Variants in IFRD1 observed in about 807,000 individuals in gnomAD.
IFRD1 encodes the protein interferon related developmental regulator 1, also known as interferon-related developmental regulator 1.
In IFRD1, 35 loss-of-function variants were observed where a neutral mutation model predicts 52.9. The observed-to-expected ratio is 0.66, with a 90% CI of 0.51 to 0.88. The LOEUF is 0.88. Ranked by LOEUF, IFRD1 falls within the 40% of genes least tolerant of loss-of-function variation. The pLI is 0.00. For synonymous variants in IFRD1, 184 were observed against 188.4 expected (o/e 0.98, Z 0.19); for missense variants, 517 against 550.8 (o/e 0.94, Z 0.61).
chr7:112,445,761 C>T (rs1178966865), upstream of IFRD1, among the ~76,000 whole-genome samples: 1 of 152,178 alleles, frequency 6.6e-6, no homozygotes, highest in African/African-American at 2.4e-5. Context: ...ACTTGGTGTT[C>T]TGTTTCTAAT....
At chr7:112,440,095 C>T (rs1408588209) in intron 1 of IFRD1, among the ~76,000 whole-genome samples, 1 of 151,986 alleles carries the variant, frequency 6.6e-6, no homozygotes, top group African/African-American at 2.4e-5. Flanking sequence ...AAGAAATTCT[C>T]CTGCCTCAGC....
chr7:112,457,073 C>T (rs1231806957), intron 4 of IFRD1, 35 bp downstream of exon 4: 1 of 1,604,238 alleles, frequency 6.2e-7, no homozygotes, highest in South Asian at 1.1e-5. Flanking sequence ...AGACGTACAA[C>T]TAATAAGGAG....
At chr7:112,473,435 T>C (rs909359716) in intron 11 of IFRD1, among the ~76,000 whole-genome samples, 5 of 152,008 alleles carry the variant, frequency 3.3e-5, no homozygotes, top group Admixed American at 2.6e-4. Context: ...ATTTCTTTTT[T>C]TTTTTTTGAG....
At chr7:112,467,382 C>T (rs1795637509) in intron 8 of IFRD1, 1 of 152,632 alleles carries the variant, frequency 6.6e-6, no homozygotes, top group Non-Finnish European at 1.5e-5. Context: ...AAATGCATAG[C>T]CACGTTAACT....
At chr7:112,456,840 A>G in intron 3 of IFRD1, 74 bp from the exon 4 acceptor site, 8 of 1,409,592 alleles carry the variant, frequency 5.7e-6, no homozygotes, top group South Asian at 1.2e-5. Flanking sequence ...GTTTAGAAGG[A>G]AATAAGATTT....
Position 112,462,032 on chromosome 7 carries a change from A to G in IFRD1, c.650A>G (p.Asn217Ser). 6.2e-7 allele frequency: 1 copy of G among 1,613,202 alleles called. No individual in the cohort carries two copies. The highest frequency in any genetic ancestry group is 8.5e-7 in the Non-Finnish European group (1 of 1,179,418). The change falls in exon 7 of 12, where the codon AAT (asparagine) becomes AGT (serine). Residue 217 changes from asparagine (N) to serine (S), a missense_variant. By Grantham distance (46) the Asn-to-Ser change is conservative. Transcript: ENST00000403825. Reference sequence around the variant, plus strand: ...TACTCAACTCTGGAATGTTTGGAAAATATCTTCACTAAATCCTATCTCAAA... The same window carrying G: ...TACTCAACTCTGGAATGTTTGGAAAGTATCTTCACTAAATCCTATCTCAAA... ...ELYSTLECLENIFTKSYLKEK... is the reference protein window; with the variant it reads ...ELYSTLECLESIFTKSYLKEK...
intron 1 of IFRD1, among the ~76,000 whole-genome samples, chr7:112,427,001 C>G (rs1489111713): frequency 6.6e-6 from 1 of 152,118 alleles, no homozygotes; most frequent in South Asian, 2.1e-4. Flanking sequence ...TGTATAAAAC[C>G]AAGCTGTACC....
At position 112,459,037 on chromosome 7, in the gene IFRD1, C is replaced by T. The variant is rs774646174; in HGVS notation, c.567+19C>T. 1.9e-6 allele frequency: 3 copies of T among 1,601,050 alleles called. No homozygotes were observed. In the South Asian group the frequency reaches 3.3e-5, roughly 18 times the overall value. On this transcript the variant is annotated intron_variant, in intron 5 of 11. Coordinates refer to ENST00000403825, the MANE Select transcript of IFRD1 (RefSeq NM_001550.4). ...GCAAACTGTAAGTATAAGATATTTA[C>T]ATTTATAGATCTGTCTATTCATGAC...
chr7:112,462,152 T>TC lies in IFRD1; in HGVS notation c.771dup (p.Asn258GlnfsTer2). 3 of 1,613,890 alleles carry TC rather than the reference T, an allele frequency of 1.9e-6. No individual in the cohort carries two copies. Among genetic ancestry groups the TC allele is most frequent in the Non-Finnish European group, 2.5e-6 (3 of 1,179,888 alleles). On this transcript the variant is annotated frameshift_variant, in exon 7 of 12. Transcript: ENST00000403825. LOFTEE classifies it high-confidence loss of function. Reference sequence around the variant, plus strand: ...ACACTACTGCTGACCATATGCCCAATCAATGAAGTGAAGAAAAAGCTTGAG... The same window carrying TC: ...ACACTACTGCTGACCATATGCCCAATCCAATGAAGTGAAGAAAAAGCTTGAG...
Position 112,463,734 on chromosome 7 carries a change from T to G in IFRD1, c.906+1356T>G, listed in dbSNP as rs1192822028. ...TTTTTTTTCCTTGGAAATGCATTTT[T>G]AAAATGAAGTCATAATGCAGTTTAA... On this transcript the variant is annotated intron_variant, in intron 8 of 11. Transcript: ENST00000403825. Among the ~76,000 whole-genome samples, 3 of 152,030 alleles carry G rather than the reference T, an allele frequency of 2.0e-5. No individual in the cohort carries two copies. The East Asian group carries it at 5.8e-4, about 29-fold the overall frequency.
At chr7:112,464,036 C>CTT (rs770696329) in intron 8 of IFRD1, among the ~76,000 whole-genome samples, 3,580 of 125,118 alleles carry the variant, frequency 0.029, 173 homozygotes, top group African/African-American at 0.099. Context: ...TTTTTATTTG[C>CTT]TTTTTTTTTT....
At chr7:112,428,331 A>G (rs560576832) in intron 1 of IFRD1, among the ~76,000 whole-genome samples, 15 of 152,306 alleles carry the variant, frequency 9.8e-5, no homozygotes, top group African/African-American at 3.4e-4. Context: ...CTACCCATAG[A>G]TAGAGTATTC....
intron 1 of IFRD1, among the ~76,000 whole-genome samples, chr7:112,436,100 C>T (rs1164871622): frequency 1.3e-5 from 2 of 152,122 alleles, no homozygotes; most frequent in East Asian, 1.9e-4. Context: ...CCAGGCTGGT[C>T]TCAAACTCCT....
intron 1 of IFRD1, among the ~76,000 whole-genome samples, chr7:112,424,477 C>A (rs574345332): frequency 6.6e-6 from 1 of 151,482 alleles, no homozygotes; most frequent in Non-Finnish European, 1.5e-5. Flanking sequence ...TGCAATGGCA[C>A]GATCTTGACT....
In IFRD1 at chr7:112,458,962, C is replaced by T. The variant is rs778562557; in HGVS notation, c.511C>T (p.Pro171Ser). Residue 171 changes from proline to serine, a missense_variant, in exon 5 of 12, where the codon CCA (proline) becomes TCA (serine). By Grantham distance (74) the Pro-to-Ser change is moderately conservative (BLOSUM62 -1). Coordinates refer to ENST00000403825, the MANE Select transcript of IFRD1 (RefSeq NM_001550.4). ...ESEEILKTLG[P>S]ILKKIICDGS... ...TGAAGAGATTTTGAAAACTCTTGGA[C>T]CAATCCTAAAGAAAATCATTTGTGA... 5.0e-6 allele frequency: 8 copies of T among 1,613,544 alleles called. No individual in the cohort carries two copies. Among genetic ancestry groups the T allele is most frequent in the African/African-American group, 2.7e-5 (2 of 74,852 alleles).
At chr7:112,450,872 C>T (rs1358404270) in intron 1 of IFRD1, 90 bp downstream of exon 1, 2 of 882,706 alleles carry the variant, frequency 2.3e-6, no homozygotes, top group South Asian at 1.4e-5. Flanking sequence ...GTAGTTCTTT[C>T]TCTGATGTAC....
At chr7:112,442,867 T>G (rs3109107) in intron 1 of IFRD1, among the ~76,000 whole-genome samples, 51,644 of 152,080 alleles carry the variant, frequency 0.34, 9,976 homozygotes, top group African/African-American at 0.52. Context: ...GGAATGAGCT[T>G]CCCTGAAGAG....
chr7:112,444,458 G>GGTT (rs1794972037), intron 1 of IFRD1, among the ~76,000 whole-genome samples: 1 of 151,968 alleles, frequency 6.6e-6, no homozygotes, highest in Non-Finnish European at 1.5e-5. Context: ...ACCATTCTTG[G>GGTT]CAATAAAACA....
At chr7:112,470,626 G>A (rs1795722183) in intron 9 of IFRD1, among the ~76,000 whole-genome samples, 1 of 152,188 alleles carries the variant, frequency 6.6e-6, no homozygotes. Flanking sequence ...ATCTGAAAAT[G>A]TAGTCTGTTC....
Sources: allele counts gnomAD v4.1 joint callset (sites outside exome capture counted in the v4.1 genomes callset), GRCh38; gene constraint gnomAD v4.1.1; transcripts MANE v1.5; gene names NCBI Gene and HGNC (gene_info 2026-07-23, HGNC 2026-07-21).